CLSTN2: variants seen among roughly 807,000 people sequenced by gnomAD.
CLSTN2 encodes the protein calsyntenin-2.
A neutral mutation model predicts 101.2 loss-of-function variants in CLSTN2; 48 were observed. The ratio of observed to expected loss-of-function variants is 0.47; its 90% CI spans 0.38 to 0.60. CLSTN2 has a LOEUF of 0.60. Ranked by LOEUF, CLSTN2 falls within the 20% of genes least tolerant of loss-of-function variation. The pLI, the probability that CLSTN2 is intolerant of heterozygous loss-of-function variation, is 0.00. For missense variants in CLSTN2, 1,160 were observed against 1,238.2 expected, an observed-to-expected ratio of 0.94 and a Z score of 0.95; for synonymous variants, 481 against 463.6, an observed-to-expected ratio of 1.04 and a Z score of -0.48.
At chr3:140,422,328 A>ATC (rs1426382286) in intron 5 of CLSTN2, among the ~76,000 whole-genome samples, 1 of 152,046 alleles carries the variant, frequency 6.6e-6, no homozygotes, top group Non-Finnish European at 1.5e-5. Flanking sequence ...TCAGTCTTTG[A>ATC]ATGACTGTCT....
intron 1 of CLSTN2, among the ~76,000 whole-genome samples, chr3:140,086,175 G>C (rs919112241): frequency 6.6e-6 from 1 of 152,174 alleles, no homozygotes; most frequent in African/African-American, 2.4e-5. Flanking sequence ...AGATTAGGTA[G>C]GTGTAGTCCC....
rs1251816114 is a variant in CLSTN2, at chr3:140,566,278, C to T, written c.*25C>T. On this transcript the variant is annotated 3_prime_UTR_variant, in exon 17 of 17. Coordinates refer to ENST00000458420, the MANE Select transcript of CLSTN2 (RefSeq NM_022131.3). ...GTGCCCAGGGGTCTGCTGCCTGGCCCACATGTCCCTTTTGTAAACCCTGAC... is the reference window on the plus strand; with the variant it reads ...GTGCCCAGGGGTCTGCTGCCTGGCCTACATGTCCCTTTTGTAAACCCTGAC... 5 of 1,548,956 alleles carry T rather than the reference C, an allele frequency of 3.2e-6. No homozygotes were observed. In the South Asian group the frequency reaches 4.8e-5, roughly 15 times the overall value.
chr3:139,953,248 T>A (rs1325064642), intron 1 of CLSTN2, among the ~76,000 whole-genome samples: 3 of 152,126 alleles, frequency 2.0e-5, no homozygotes, highest in African/African-American at 7.2e-5. Flanking sequence ...ACAACCACCC[T>A]CTATGCCCAC....
At chr3:140,461,721 T>C (rs6439928) in intron 7 of CLSTN2, among the ~76,000 whole-genome samples, 54,909 of 151,890 alleles carry the variant, frequency 0.36, 10,565 homozygotes, top group African/African-American at 0.49. Flanking sequence ...AGGAGCCTAA[T>C]GGGAAGCCAT....
chr3:140,219,574 T>C lies in CLSTN2; in HGVS notation c.232+43501T>C, dbSNP rs36101988. On this transcript the variant is annotated intron_variant, in intron 2 of 16. Transcript: ENST00000458420. ...GTTGCTGCTCGTCATTCGGAGCGAG[T>C]GTATCTTGCTGTCCTAGAGACTGGT... Among the ~76,000 whole-genome samples, 1,206 of 152,250 alleles carry C rather than the reference T, an allele frequency of 7.9e-3. 9 individuals are homozygous for C. Among genetic ancestry groups the C allele is most frequent in the Admixed American group, 0.012 (178 of 15,294 alleles).
At chr3:140,436,326 C>T (rs773718098) in intron 5 of CLSTN2, among the ~76,000 whole-genome samples, 2 of 152,184 alleles carry the variant, frequency 1.3e-5, no homozygotes, top group African/African-American at 4.8e-5. Context: ...CCCAGCACCA[C>T]TTAATGAAGA....
intron 1 of CLSTN2, among the ~76,000 whole-genome samples, chr3:140,100,866 A>G (rs575425204): frequency 3.3e-5 from 5 of 152,338 alleles, no homozygotes; most frequent in Admixed American, 3.3e-4. Context: ...TGTGAGTACA[A>G]TCACCCTTCC....
intron 2 of CLSTN2, among the ~76,000 whole-genome samples, chr3:140,305,120 C>G (rs777191504): frequency 4.6e-5 from 7 of 151,682 alleles, no homozygotes; most frequent in African/African-American, 9.7e-5. Flanking sequence ...CTCTCTTCCT[C>G]CTGTTCCCTC....
chr3:140,455,168 A>G (rs2114858), intron 6 of CLSTN2, among the ~76,000 whole-genome samples: 236 of 152,366 alleles, frequency 1.5e-3, no homozygotes, highest in African/African-American at 5.5e-3. Context: ...GATATTGCCA[A>G]TTGTGAGAAT....
chr3:139,994,787 A>G (rs956706998), intron 1 of CLSTN2, among the ~76,000 whole-genome samples: 6 of 152,228 alleles, frequency 3.9e-5, no homozygotes, highest in African/African-American at 1.4e-4. Context: ...TATTGAGAAT[A>G]TACTATGCCT....
At chr3:140,526,720 A>T (rs565961893) in intron 8 of CLSTN2, among the ~76,000 whole-genome samples, 1 of 152,302 alleles carries the variant, frequency 6.6e-6, no homozygotes, top group East Asian at 1.9e-4. Flanking sequence ...ACAGCATGGT[A>T]CTGGTACAAA....
intron 4 of CLSTN2, among the ~76,000 whole-genome samples, chr3:140,405,947 A>G (rs944294169): frequency 7.2e-5 from 11 of 152,212 alleles, no homozygotes; most frequent in African/African-American, 2.4e-4. Flanking sequence ...ATTGAGTGCC[A>G]GGCATGGTGC....
chr3:140,155,365 G>T (rs1370841100), intron 1 of CLSTN2, among the ~76,000 whole-genome samples: 4 of 152,144 alleles, frequency 2.6e-5, no homozygotes, highest in Non-Finnish European at 5.9e-5. Context: ...CAGAAATCAA[G>T]GTACATCCTA....
Position 140,231,393 on chromosome 3 carries a change from A to G in CLSTN2, c.232+55320A>G, listed in dbSNP as rs1037139458. ...CAAAAAGAGATTGAAAAACCGGTTT[A>G]AAAAAAATGCAGACTGTTTCATGAG... On this transcript the variant is annotated intron_variant, in intron 2 of 16. Transcript: ENST00000458420. Among the ~76,000 whole-genome samples the G allele has an allele frequency of 2.6e-5, 4 of 152,010 alleles. No individual in the cohort carries two copies. In the South Asian group the frequency reaches 8.3e-4, roughly 32 times the overall value.
chr3:140,562,286 T>A lies in CLSTN2; in HGVS notation c.2190T>A (p.Ser730=). Residue 730 remains serine, a synonymous_variant, in exon 13 of 17, where the codon TCT becomes TCA. Coordinates refer to ENST00000458420, the MANE Select transcript of CLSTN2 (RefSeq NM_022131.3). ...LHQRHLDATN[S]TAGYSIYGVG... is the part of the protein sequence containing the mutation. ...AACGACACCTGGATGCCACTAATTC[T>A]ACTGCAGGCTACTCCATCTACGGTA... The A allele has an allele frequency of 6.2e-7, 1 of 1,613,546 alleles. No individual in the cohort carries two copies. Among genetic ancestry groups the A allele is most frequent in the Non-Finnish European group, 8.5e-7 (1 of 1,179,884 alleles).
At chr3:139,978,845 C>G (rs1228924306) in intron 1 of CLSTN2, among the ~76,000 whole-genome samples, 1 of 151,950 alleles carries the variant, frequency 6.6e-6, no homozygotes, top group Non-Finnish European at 1.5e-5. Context: ...AAAGAGTTGG[C>G]TAAAATAGTT....
At chr3:140,155,372 C>G (rs760179759) in intron 1 of CLSTN2, among the ~76,000 whole-genome samples, 7 of 152,148 alleles carry the variant, frequency 4.6e-5, no homozygotes, top group Non-Finnish European at 8.8e-5. Context: ...CAAGGTACAT[C>G]CTAGGGTATT....
chr3:139,998,401 C>T lies in CLSTN2; in HGVS notation c.109+62918C>T, dbSNP rs1357978754. ...TCGCCCAGGCTGGAGTGCAGTGGCGCGAGGCTCACTGCAAGCTCCGCCTCC... is the reference window on the plus strand; with the variant it reads ...TCGCCCAGGCTGGAGTGCAGTGGCGTGAGGCTCACTGCAAGCTCCGCCTCC... On this transcript the variant is annotated intron_variant, in intron 1 of 16. Transcript: ENST00000458420. Among the ~76,000 whole-genome samples, 16 of 67,360 alleles carry T rather than the reference C, an allele frequency of 2.4e-4. No homozygotes were observed. The South Asian group carries it at 3.7e-3, about 16-fold the overall frequency. The allele number at this position is 67,360 out of a possible 152,430, so 44.2% of individuals were successfully genotyped here. A position where few individuals can be genotyped will look rare whatever the true frequency, so the allele number is the denominator to read the frequency against.
At chr3:140,507,065 A>G (rs908805406) in intron 8 of CLSTN2, 3 of 152,186 alleles carry the variant, frequency 2.0e-5, no homozygotes, top group African/African-American at 4.8e-5. Context: ...GTGATGAGGA[A>G]CATCGGGGGT....
Sources: allele counts gnomAD v4.1 joint callset (sites outside exome capture counted in the v4.1 genomes callset), GRCh38; gene constraint gnomAD v4.1.1; transcripts MANE v1.5; gene names NCBI Gene and HGNC (gene_info 2026-07-23, HGNC 2026-07-21).